MTCL2: variants seen among roughly 807,000 people sequenced by gnomAD.
MTCL2 encodes microtubule crosslinking factor 2, also known as microtubule cross-linking factor 2.
the MTCL2 span, among the ~76,000 whole-genome samples, chr20:36,794,954 C>T: frequency 6.8e-3 from 968 of 143,232 alleles, 12 homozygotes; most frequent in African/African-American, 0.023. This position sits in a 1 kb window ranked among gnomAD's most constrained non-coding sequence, Gnocchi z 5.4. Context: ...TTTTTTTTTT[C>T]TTGAGACAGA....
chr20:36,828,436 G>A, the MTCL2 span, among the ~76,000 whole-genome samples: 1 of 152,106 alleles, frequency 6.6e-6, no homozygotes, highest in South Asian at 2.1e-4. Context: ...ATAACACACT[G>A]TATACCCAAC....
At chr20:36,834,368 C>A in the MTCL2 span, among the ~76,000 whole-genome samples, 1 of 152,082 alleles carries the variant, frequency 6.6e-6, no homozygotes, top group South Asian at 2.1e-4. Flanking sequence ...TTTTCTCCAG[C>A]AACATCTGTA....
chr20:36,785,511 C>A, the MTCL2 span: 3 of 985,346 alleles, frequency 3.0e-6, no homozygotes, highest in African/African-American at 1.7e-5. Context: ...CTGGGCCTGA[C>A]CTGGCCAACC....
the MTCL2 span, chr20:36,808,640 T>C: frequency 1.2e-6 from 2 of 1,612,638 alleles, no homozygotes; most frequent in South Asian, 1.1e-5. Context: ...CACCAGCATG[T>C]TCTTCTCCTG....
chr20:36,816,893 G>C, the MTCL2 span, among the ~76,000 whole-genome samples: 1 of 152,212 alleles, frequency 6.6e-6, no homozygotes, highest in Admixed American at 6.5e-5. Context: ...GGCTGGGGTG[G>C]GGAGCGAGCA....
chr20:36,788,756 T>C, the MTCL2 span, among the ~76,000 whole-genome samples: 1 of 152,216 alleles, frequency 6.6e-6, no homozygotes, highest in African/African-American at 2.4e-5. Flanking sequence ...TTAACCTCTC[T>C]TGAGCTTTGA....
At chr20:36,780,978 C>T in the MTCL2 span, 822 of 152,228 alleles carry the variant, frequency 5.4e-3, 7 homozygotes, top group African/African-American at 0.018. Flanking sequence ...ATGTGTTTCT[C>T]TTTTTACCAA....
At chr20:36,853,423 A>AG in the MTCL2 span, among the ~76,000 whole-genome samples, 14 of 152,304 alleles carry the variant, frequency 9.2e-5, no homozygotes, top group East Asian at 9.7e-4. Flanking sequence ...TATAAGCTGG[A>AG]CTAGACAGTC....
chr20:36,822,657 C>T, the MTCL2 span, among the ~76,000 whole-genome samples: 2 of 152,136 alleles, frequency 1.3e-5, no homozygotes, highest in African/African-American at 2.4e-5. Flanking sequence ...GAATCTTCTG[C>T]CAAAACAGCA....
the MTCL2 span, among the ~76,000 whole-genome samples, chr20:36,836,563 C>G: frequency 6.6e-6 from 1 of 151,882 alleles, no homozygotes; most frequent in Admixed American, 6.6e-5. Flanking sequence ...AGGCTGGTCT[C>G]GAACTCCTGA....
At chr20:36,803,146 G>C in the MTCL2 span, 1 of 1,564,102 alleles carries the variant, frequency 6.4e-7, no homozygotes, top group Non-Finnish European at 8.7e-7. Flanking sequence ...GCAGCAGGAG[G>C]CCACTCCTCT....
At chr20:36,847,646 G>T in the MTCL2 span, among the ~76,000 whole-genome samples, 1 of 152,088 alleles carries the variant, frequency 6.6e-6, no homozygotes, top group East Asian at 1.9e-4. Context: ...TTGAGCTCAG[G>T]AGTTTGAGAC....
chr20:36,805,242 A>T, the MTCL2 span, among the ~76,000 whole-genome samples: 1 of 152,028 alleles, frequency 6.6e-6, no homozygotes, highest in Non-Finnish European at 1.5e-5. Flanking sequence ...TGCCTCTCTG[A>T]CCCGCTGCAG....
At chr20:36,859,606 T>G in the MTCL2 span, 1 of 1,231,644 alleles carries the variant, frequency 8.1e-7, no homozygotes, top group African/African-American at 1.6e-5. Flanking sequence ...ATCTTCTCAC[T>G]GGGAGAGAGT....
chr20:36,777,675 C>G, the MTCL2 span: 3 of 495,856 alleles, frequency 6.1e-6, no homozygotes, highest in Admixed American at 1.3e-4. Context: ...CCAAGGATGC[C>G]CTTGGTCCCT....
At chr20:36,852,509 G>A in the MTCL2 span, among the ~76,000 whole-genome samples, 100 of 152,332 alleles carry the variant, frequency 6.6e-4, 1 homozygote, top group Non-Finnish European at 1.2e-3. Flanking sequence ...AAAAAACTCC[G>A]CAGAGCTCCA....
chr20:36,829,359 A>T, the MTCL2 span: 2 of 785,360 alleles, frequency 2.5e-6, no homozygotes, highest in African/African-American at 1.8e-5. Context: ...AGATGAGCAA[A>T]CTGAGGCACA....
the MTCL2 span, chr20:36,803,187 C>T: frequency 1.1e-5 from 16 of 1,488,944 alleles, no homozygotes; most frequent in Non-Finnish European, 1.3e-5. Context: ...CTCCTGGGTG[C>T]CAGCGGGGAA....
At chr20:36,847,282 C>T in the MTCL2 span, among the ~76,000 whole-genome samples, 2 of 152,228 alleles carry the variant, frequency 1.3e-5, no homozygotes, top group African/African-American at 4.8e-5. Context: ...TCAGCTATTC[C>T]CTCTGCTAGA....
Sources: gnomAD v4.1 joint callset for allele counts (sites outside exome capture counted in the v4.1 genomes callset) on GRCh38, gnomAD v4.1.1 for gene constraint, Gnocchi (gnomAD v3.1) non-coding constraint, MANE v1.5 for transcripts, NCBI Gene and HGNC (gene_info 2026-07-23, HGNC 2026-07-21) for gene names.